Variants in NECAP1 observed in about 807,000 individuals in gnomAD.
NECAP1 encodes adaptin ear-binding coat-associated protein 1.
NECAP1 carries 13 observed loss-of-function variants against 33.4 expected under a neutral mutation model. The observed-to-expected ratio is 0.39, with a 90% confidence interval of 0.25 to 0.62. The LOEUF (loss-of-function observed/expected upper bound fraction) is 0.62, where lower values mean the gene tolerates loss of function less well. Among genes scored for constraint, NECAP1 ranks in the 20% least tolerant of loss-of-function variants. The pLI is 0.52. For missense variants in NECAP1, 272 were observed against 347.4 expected (o/e 0.78, Z 1.73); for synonymous variants, 109 against 125.2 (o/e 0.87, Z 0.86).
intron 7 of NECAP1, 141 bp downstream of exon 7, chr12:8,095,844 A>G (rs1462641522): frequency 9.1e-7 from 1 of 1,097,048 alleles, no homozygotes. Flanking sequence ...AAGGAAATAT[A>G]GTAGTGCTGG....
intron 1 of NECAP1, among the ~76,000 whole-genome samples, chr12:8,085,552 C>T (rs778390163): frequency 2.0e-5 from 3 of 152,216 alleles, no homozygotes; most frequent in South Asian, 2.1e-4. Context: ...ATGAAGAGAG[C>T]GGAATTAAGT....
rs1309271734 is a variant in NECAP1 at position 8,095,685 on chromosome 12, A to G, written c.761A>G (p.Asp254Gly). Residue 254 changes from aspartate to glycine, a missense_variant, in exon 7 of 8, where the codon GAC (aspartate) becomes GGC (glycine). By Grantham distance (94) the Asp-to-Gly change is moderately conservative (BLOSUM62 -1). Transcript: ENST00000339754. ...PVSVSNDLWG[D>G]FSTASSSVPN... ...TCTGTAAGCAATGACTTGTGGGGAG[A>G]CTTCAGCACTGCCTCCAGGTAATGG... The G allele has an allele frequency of 6.2e-7, 1 of 1,612,876 alleles. No individual in the cohort carries two copies. The highest frequency in any genetic ancestry group is 8.5e-7 in the Non-Finnish European group (1 of 1,179,012).
intron 4 of NECAP1, 158 bp downstream of exon 4, chr12:8,092,008 A>G: frequency 1.6e-6 from 1 of 642,162 alleles, no homozygotes; most frequent in Non-Finnish European, 2.7e-6. Context: ...TCCTTAGGTC[A>G]TCTTTGTATC....
At chr12:8,089,219 T>A (rs919973444) in intron 1 of NECAP1, 4 of 152,186 alleles carry the variant, frequency 2.6e-5, no homozygotes, top group African/African-American at 9.7e-5. Flanking sequence ...AAATATTGAT[T>A]GAATTCAGTG....
chr12:8,083,906 A>G (rs1033887131), intron 1 of NECAP1, among the ~76,000 whole-genome samples: 1 of 151,392 alleles, frequency 6.6e-6, no homozygotes, highest in African/African-American at 2.4e-5. Flanking sequence ...ATGCCTGGCT[A>G]ATTTTTAAAT....
intron 1 of NECAP1, among the ~76,000 whole-genome samples, chr12:8,087,754 CATT>C (rs1332527459): frequency 6.6e-6 from 1 of 152,010 alleles, no homozygotes; most frequent in Non-Finnish European, 1.5e-5. Context: ...AGTAATAACT[CATT>C]AATATAATAG....
rs1344033144 is a variant in NECAP1, at chr12:8,097,072, ATTTCT to A, written c.*987_*991del. ...GGGTATCTGGCCCCTTTCCATAAAC[ATTTCT>A]TTTCAGTTCATGTAGTTCTTTAATA... On this transcript the variant is annotated 3_prime_UTR_variant, in exon 8 of 8. Coordinates refer to ENST00000339754, the MANE Select transcript of NECAP1 (RefSeq NM_015509.4). The A allele has an allele frequency of 2.6e-5, 4 of 152,532 alleles. No homozygotes were observed. The highest frequency in any genetic ancestry group is 4.4e-5 in the Non-Finnish European group (3 of 68,020). The allele number at this position is 152,532 out of a possible 1,614,324, so 9.4% of individuals were successfully genotyped here.
chr12:8,088,979 G>A (rs938448094), intron 1 of NECAP1: 2 of 152,100 alleles, frequency 1.3e-5, no homozygotes, highest in African/African-American at 2.4e-5. Flanking sequence ...GCTACAACTT[G>A]TTCATTCTCC....
intron 1 of NECAP1, among the ~76,000 whole-genome samples, chr12:8,085,686 CTTTTTTTTTTT>C (rs554942626): frequency 4.8e-5 from 5 of 104,810 alleles, no homozygotes; most frequent in South Asian, 6.4e-4. Flanking sequence ...ACTTAATCTT[CTTTTTTTTTTT>C]TTTTTTTTTT....
At position 8,089,746 on chromosome 12, in the gene NECAP1, A is replaced by G. The variant is rs113715346; in HGVS notation, c.96-190A>G. ...GACTCCAAAGTCCTCAAGTAGTAGC[A>G]TTGTCTTTTACTTGCTTTGGACTGT... is the stretch of plus-strand genomic sequence containing the variant. On this transcript the variant is annotated intron_variant, in intron 1 of 7. Transcript: ENST00000339754. 18 of 555,410 alleles carry G rather than the reference A, an allele frequency of 3.2e-5. 1 individual carries two copies. Among genetic ancestry groups the G allele is most frequent in the African/African-American group, 1.5e-4 (8 of 53,500 alleles). The allele number at this position is 555,410 out of a possible 1,614,324, so 34.4% of individuals were successfully genotyped here.
At chr12:8,084,337 C>T (rs1411059644) in intron 1 of NECAP1, among the ~76,000 whole-genome samples, 1 of 152,162 alleles carries the variant, frequency 6.6e-6, no homozygotes, top group East Asian at 1.9e-4. Flanking sequence ...GTTACAGGTA[C>T]TATATGAGTC....
rs1390115604 is a variant in NECAP1 at position 8,082,394 on chromosome 12, C to T, written c.95+11C>T. The T allele has an allele frequency of 9.9e-6, 16 of 1,611,446 alleles. No individual in the cohort carries two copies. The highest frequency in any genetic ancestry group is 1.2e-5 in the Non-Finnish European group (14 of 1,178,200). On this transcript the variant is annotated intron_variant, in intron 1 of 7. Coordinates refer to ENST00000339754, the MANE Select transcript of NECAP1 (RefSeq NM_015509.4). ...CAACCGCGGTTACAGGTACTAACCC[C>T]GAGGCGCTGCCGCACACGCGTACTC...
At chr12:8,093,897 T>C (rs1209271611) in intron 6 of NECAP1, 2 of 152,186 alleles carry the variant, frequency 1.3e-5, no homozygotes, top group Non-Finnish European at 2.9e-5. Flanking sequence ...ACAAGAGCAA[T>C]TGGGAGAAAA....
At chr12:8,082,684 G>A (rs975506280) in intron 1 of NECAP1, 2 of 359,666 alleles carry the variant, frequency 5.6e-6, no homozygotes, top group African/African-American at 4.2e-5. Flanking sequence ...TGCACTTTCA[G>A]TCGTGCTTGC....
chr12:8,096,901 T>G lies in NECAP1; in HGVS notation c.*811T>G, dbSNP rs1947599970. 6.6e-6 allele frequency: 1 copy of G among 152,662 alleles called. No homozygotes were observed. Among genetic ancestry groups the G allele is most frequent in the African/African-American group, 2.4e-5 (1 of 41,444 alleles). 9.5% of individuals were successfully genotyped at this position (152,662 alleles called of 1,614,324 possible). ...TTAATTTCTTGCAGCTCCATCTGGT[T>G]GCTGCATTTGAAGCATGGCATTAAT... is the stretch of plus-strand genomic sequence containing the variant. On this transcript the variant is annotated 3_prime_UTR_variant, in exon 8 of 8. Transcript: ENST00000339754.
chr12:8,095,476 C>T (rs1947586198), intron 6 of NECAP1, 125 bp from the exon 7 acceptor site: 1 of 562,202 alleles, frequency 1.8e-6, no homozygotes, highest in East Asian at 3.9e-5. Flanking sequence ...TCTCGATCTC[C>T]TGACCTCATG....
In NECAP1 at chr12:8,091,791, T is replaced by A. The variant is rs751512866; in HGVS notation, c.324T>A (p.Ile108=). Residue 108 remains isoleucine (I), a synonymous_variant, in exon 4 of 8, where the codon ATT becomes ATA. Transcript: ENST00000339754. ...CAGGGCGCAGTGCTTTCATTGGCAT[T>A]GGCTTCACAGATCGGGGAGATGCCT... ...DGTGRSAFIG[I]GFTDRGDAFD... The A allele has an allele frequency of 6.2e-7, 1 of 1,614,108 alleles. No homozygotes were observed. The highest frequency in any genetic ancestry group is 1.1e-5 in the South Asian group (1 of 91,020).
At chr12:8,082,414 G>A (rs1947447982) in intron 1 of NECAP1, 31 bp downstream of exon 1, 2 of 1,583,170 alleles carry the variant, frequency 1.3e-6, no homozygotes, top group Non-Finnish European at 1.7e-6. Context: ...CCGCACACGC[G>A]TACTCTGTCG....
intron 6 of NECAP1, 21 bp from the exon 7 acceptor site, chr12:8,095,580 C>T (rs747135229): frequency 6.3e-7 from 1 of 1,584,240 alleles, no homozygotes; most frequent in East Asian, 2.2e-5. Context: ...TTTCTTTTTT[C>T]TTTTCTTACC....
Sources: gnomAD v4.1 joint callset for allele counts (sites outside exome capture counted in the v4.1 genomes callset) on GRCh38, gnomAD v4.1.1 for gene constraint, MANE v1.5 for transcripts, NCBI Gene and HGNC (gene_info 2026-07-23, HGNC 2026-07-21) for gene names.